RGS7: variants seen among roughly 807,000 people sequenced by gnomAD.
RGS7 encodes regulator of G protein signaling 7.
RGS7 carries 27 observed loss-of-function variants against 81.1 expected under a neutral mutation model. That is an observed-to-expected ratio of 0.33 (90% CI 0.25 to 0.46). The LOEUF (loss-of-function observed/expected upper bound fraction) is 0.46. Ranked by LOEUF, RGS7 falls within the 20% of genes least tolerant of loss-of-function variation. The pLI is 1.00. For synonymous variants in RGS7, 208 were observed against 207.7 expected, an observed-to-expected ratio of 1.00 and a Z score of -0.01; for missense variants, 396 against 607.4, an observed-to-expected ratio of 0.65 and a Z score of 3.66.
intron 2 of RGS7, among the ~76,000 whole-genome samples, chr1:241,149,257 C>G (rs1237446083): frequency 2.0e-5 from 3 of 152,154 alleles, no homozygotes; most frequent in Non-Finnish European, 4.4e-5. Context: ...ACCTCCACCT[C>G]TCAGGTTCAG....
At chr1:240,975,002 T>C (rs1215248867) in intron 4 of RGS7, among the ~76,000 whole-genome samples, 2 of 151,970 alleles carry the variant, frequency 1.3e-5, no homozygotes, top group Non-Finnish European at 2.9e-5. Context: ...GCAAAGCTCA[T>C]GACCCTCTTC....
intron 2 of RGS7, among the ~76,000 whole-genome samples, chr1:241,177,513 C>T (rs1346298822): frequency 6.6e-6 from 1 of 151,392 alleles, no homozygotes; most frequent in Non-Finnish European, 1.5e-5. Context: ...TATAAGAAGC[C>T]CCTTGAGGGT....
rs146563791 is a variant in RGS7 at position 240,927,441 on chromosome 1, T to C, written c.385+3276A>G. On this transcript the variant is annotated intron_variant, in intron 6 of 18. Transcript: ENST00000440928. ...GTTGTCTTAGAAAAGACAGCCTAAG[T>C]AGTTACTGTGCTTTGGACTTCACAG... Among the ~76,000 whole-genome samples the C allele has an allele frequency of 5.1e-4, 78 of 152,286 alleles. 1 individual carries two copies. Among genetic ancestry groups the C allele is most frequent in the Middle Eastern group, 3.4e-3 (1 of 294 alleles).
chr1:241,081,421 T>C (rs753015320), intron 3 of RGS7, among the ~76,000 whole-genome samples: 8 of 152,244 alleles, frequency 5.3e-5, no homozygotes, highest in Non-Finnish European at 1.2e-4. Flanking sequence ...TGCACTATGT[T>C]TGCTGCCTTT....
intron 2 of RGS7, among the ~76,000 whole-genome samples, chr1:241,248,591 T>G (rs1424684171): frequency 6.6e-6 from 1 of 152,032 alleles, no homozygotes; most frequent in Non-Finnish European, 1.5e-5. Context: ...CCTGTGTTCT[T>G]TTGTGTGAAG....
At chr1:241,185,264 T>C (rs111912735) in intron 2 of RGS7, among the ~76,000 whole-genome samples, 92 of 152,326 alleles carry the variant, frequency 6.0e-4, no homozygotes, top group African/African-American at 2.1e-3. Flanking sequence ...TGTTTCTATT[T>C]GTCTGAAGGG....
intron 4 of RGS7, among the ~76,000 whole-genome samples, chr1:240,980,612 C>T (rs576474075): frequency 4.6e-5 from 7 of 152,252 alleles, no homozygotes; most frequent in South Asian, 2.1e-4. Flanking sequence ...ATATAGGCAG[C>T]CACCAAAGTA....
intron 18 of RGS7, among the ~76,000 whole-genome samples, chr1:240,781,456 A>G (rs1168312749): frequency 2.0e-5 from 3 of 152,120 alleles, no homozygotes; most frequent in African/African-American, 7.2e-5. Context: ...AGATACAAAA[A>G]TTAGCCAGGT....
In RGS7 at chr1:240,775,862, T is replaced by TGAGA. The variant is rs138253560; in HGVS notation, c.*354_*357dup. ...TGAACTGTGTGTCTAACTGAAGCTT[T>TGAGA]GAGAGAGAGAGAGAGAGAAAGAAGG... On this transcript the variant is annotated 3_prime_UTR_variant, in exon 19 of 19. Coordinates refer to ENST00000440928, the MANE Select transcript of RGS7 (RefSeq NM_001364886.1). 7.9e-5 allele frequency: 26 copies of TGAGA among 328,634 alleles called. No homozygotes were observed. The highest frequency in any genetic ancestry group is 3.4e-4 in the Admixed American group (8 of 23,202). 20.4% of individuals were successfully genotyped at this position (328,634 alleles called of 1,614,324 possible). A position where few individuals can be genotyped will look rare whatever the true frequency, so the allele number is the denominator to read the frequency against.
intron 2 of RGS7, among the ~76,000 whole-genome samples, chr1:241,127,556 C>T (rs976792049): frequency 1.3e-5 from 2 of 151,968 alleles, no homozygotes; most frequent in African/African-American, 4.8e-5. Context: ...GTGGGGGGAG[C>T]GGGGAGGGAT....
intron 3 of RGS7, among the ~76,000 whole-genome samples, chr1:241,062,315 T>C (rs2061782994): frequency 6.6e-6 from 1 of 152,180 alleles, no homozygotes; most frequent in South Asian, 2.1e-4. Context: ...TTGCTTCACA[T>C]CATCCTGCTA....
At chr1:240,988,236 A>G (rs1264911606) in intron 3 of RGS7, among the ~76,000 whole-genome samples, 1 of 150,280 alleles carries the variant, frequency 6.7e-6, no homozygotes, top group Non-Finnish European at 1.5e-5. Flanking sequence ...GACTCCATCT[A>G]GTATGTTATG....
intron 2 of RGS7, among the ~76,000 whole-genome samples, chr1:241,341,138 C>A (rs558847379): frequency 6.6e-6 from 1 of 152,178 alleles, no homozygotes; most frequent in Non-Finnish European, 1.5e-5. Flanking sequence ...ATCACGAAAT[C>A]GTAGAAATGG....
intron 18 of RGS7, among the ~76,000 whole-genome samples, chr1:240,793,333 A>T (rs1686337630): frequency 6.6e-6 from 1 of 152,092 alleles, no homozygotes; most frequent in East Asian, 1.9e-4. Flanking sequence ...ATCGATTTAC[A>T]TCATGCTGCA....
chr1:241,220,348 T>A (rs1360957804), intron 2 of RGS7, among the ~76,000 whole-genome samples: 1 of 152,214 alleles, frequency 6.6e-6, no homozygotes, highest in Non-Finnish European at 1.5e-5. Context: ...TTAAAAATAC[T>A]GACGCCTGAA....
intron 18 of RGS7, among the ~76,000 whole-genome samples, chr1:240,776,611 G>A (rs1025440953): frequency 8.5e-5 from 13 of 152,198 alleles, no homozygotes; most frequent in Non-Finnish European, 1.6e-4. Context: ...TGCTCTGAAA[G>A]ATAATGTGAG....
chr1:241,250,500 G>C (rs1445307680), intron 2 of RGS7, among the ~76,000 whole-genome samples: 13 of 151,482 alleles, frequency 8.6e-5, no homozygotes. Context: ...CTTCTGCAAA[G>C]TAACAAAAGC....
At chr1:241,266,662 C>A (rs936259781) in intron 2 of RGS7, among the ~76,000 whole-genome samples, 2 of 152,146 alleles carry the variant, frequency 1.3e-5, no homozygotes, top group Non-Finnish European at 2.9e-5. Context: ...GGAGGTCTTC[C>A]GTAGTCTTCC....
intron 18 of RGS7, among the ~76,000 whole-genome samples, chr1:240,794,406 G>C (rs1686641633): frequency 1.3e-5 from 2 of 152,096 alleles, no homozygotes; most frequent in South Asian, 2.1e-4. Context: ...TAGAATAATG[G>C]TATATAAAAA....
Sources: gnomAD v4.1 joint callset for allele counts (sites outside exome capture counted in the v4.1 genomes callset) on GRCh38, gnomAD v4.1.1 for gene constraint, MANE v1.5 for transcripts, NCBI Gene and HGNC (gene_info 2026-07-23, HGNC 2026-07-21) for gene names.